NUDT9: variants seen among roughly 807,000 people sequenced by gnomAD.
NUDT9 encodes nudix hydrolase 9, also known as ADP-ribose pyrophosphatase.
In NUDT9, 31 loss-of-function variants were observed where a neutral mutation model predicts 41.0. The ratio of observed to expected loss-of-function variants is 0.76; its 90% CI spans 0.57 to 1.02. The LOEUF is 1.02. Ranked by LOEUF, NUDT9 falls within the 50% of genes least tolerant of loss-of-function variation. The pLI, the probability that NUDT9 is intolerant of heterozygous loss-of-function variation, is 0.00. For missense variants in NUDT9, 380 were observed against 431.4 expected (o/e 0.88, Z 1.06); for synonymous variants, 146 against 147.6 (o/e 0.99, Z 0.08).
chr4:87,448,117 A>G (rs1222142305), intron 4 of NUDT9, among the ~76,000 whole-genome samples: 1 of 149,948 alleles, frequency 6.7e-6, no homozygotes, highest in African/African-American at 2.4e-5. Flanking sequence ...CTCTTAGCAC[A>G]GGGTGAACTG....
At chr4:87,446,641 T>A (rs1722473287) in intron 4 of NUDT9, among the ~76,000 whole-genome samples, 1 of 152,190 alleles carries the variant, frequency 6.6e-6, no homozygotes, top group Admixed American at 6.5e-5. Flanking sequence ...GGTTCAAAGT[T>A]GTGTTTACGC....
At chr4:87,431,145 A>C (rs1560788412) in intron 1 of NUDT9, among the ~76,000 whole-genome samples, 1 of 152,188 alleles carries the variant, frequency 6.6e-6, no homozygotes, top group African/African-American at 2.4e-5. Context: ...CAAACTTCAT[A>C]CTACTTTTGC....
intron 5 of NUDT9, among the ~76,000 whole-genome samples, chr4:87,450,372 CTTTTTCTTTTTTT>C (rs1722654628): frequency 7.7e-6 from 1 of 130,276 alleles, no homozygotes; most frequent in African/African-American, 2.8e-5. Flanking sequence ...ATTTCTTTTT[CTTTTTCTTTTTTT>C]TTTTTTTTTT....
At chr4:87,437,551 C>G (rs930317412) in intron 2 of NUDT9, among the ~76,000 whole-genome samples, 6 of 151,614 alleles carry the variant, frequency 4.0e-5, no homozygotes, top group Non-Finnish European at 7.4e-5. Context: ...ACCATGTTAG[C>G]CAGGATGGTC....
At chr4:87,448,638 ACCC>A (rs906125396) in intron 4 of NUDT9, among the ~76,000 whole-genome samples, 1 of 151,882 alleles carries the variant, frequency 6.6e-6, no homozygotes, top group African/African-American at 2.4e-5. Context: ...ATGCCACTGC[ACCC>A]AGCTAATTTT....
chr4:87,455,709 T>C (rs1722959481), intron 7 of NUDT9, among the ~76,000 whole-genome samples: 1 of 151,274 alleles, frequency 6.6e-6, no homozygotes, highest in Non-Finnish European at 1.5e-5. Context: ...TCACCCACGC[T>C]GGAGTGCAGT....
intron 2 of NUDT9, 57 bp from the exon 3 acceptor site, chr4:87,438,220 A>T: frequency 2.3e-6 from 2 of 874,878 alleles, no homozygotes; most frequent in Non-Finnish European, 3.8e-6. Flanking sequence ...TTCATTATTA[A>T]GCTGTTGGTA....
chr4:87,452,717 G>A (rs994697838), intron 6 of NUDT9, among the ~76,000 whole-genome samples: 1 of 151,656 alleles, frequency 6.6e-6, no homozygotes, highest in Non-Finnish European at 1.5e-5. Context: ...ACCTCCCAAA[G>A]TGCTAGGATT....
chr4:87,454,034 T>C (rs1722878070), intron 6 of NUDT9, among the ~76,000 whole-genome samples: 2 of 151,932 alleles, frequency 1.3e-5, no homozygotes, highest in Non-Finnish European at 2.9e-5. Context: ...TAATTTTTTT[T>C]GTATTTTTAG....
chr4:87,425,274 T>C (rs756489437), intron 1 of NUDT9, among the ~76,000 whole-genome samples: 11 of 151,884 alleles, frequency 7.2e-5, no homozygotes, highest in Non-Finnish European at 1.3e-4. Context: ...GACTACTAAG[T>C]GATCAGTAGG....
chr4:87,425,698 G>T (rs1721383614), intron 1 of NUDT9, among the ~76,000 whole-genome samples: 1 of 126,450 alleles, frequency 7.9e-6, no homozygotes, highest in African/African-American at 2.9e-5. Context: ...GCCTGGCCAA[G>T]ACCCTGTCTC....
intron 1 of NUDT9, among the ~76,000 whole-genome samples, chr4:87,430,548 A>G (rs1004558260): frequency 6.6e-6 from 1 of 151,686 alleles, no homozygotes; most frequent in African/African-American, 2.4e-5. Context: ...GTTTGATGTC[A>G]TTTTTTTTAT....
At chr4:87,438,148 A>AC in intron 2 of NUDT9, 129 bp from the exon 3 acceptor site, 1 of 485,762 alleles carries the variant, frequency 2.1e-6, no homozygotes, top group South Asian at 3.0e-5. Context: ...GAAAAAAAAA[A>AC]AAAAACTAAC....
rs1454444930 is a variant in NUDT9 at position 87,441,908 on chromosome 4, A to G, written c.523A>G (p.Ile175Val). ...WGPNHAADPI[I>V]TRWKRDSSGN... ...CCCAAATCACGCTGCAGATCCCATT[A>G]TAACCAGGTAAGAACCAATAAAAAG... Residue 175 changes from isoleucine (I) to valine (V), a missense_variant, in exon 4 of 8, where the codon ATA (isoleucine) becomes GTA (valine). Transcript: ENST00000302174. The G allele has an allele frequency of 6.2e-7, 1 of 1,606,908 alleles. No individual in the cohort carries two copies. Among genetic ancestry groups the G allele is most frequent in the Non-Finnish European group, 8.5e-7 (1 of 1,177,448 alleles).
At chr4:87,437,218 C>T (rs905153123) in intron 2 of NUDT9, among the ~76,000 whole-genome samples, 2 of 139,666 alleles carry the variant, frequency 1.4e-5, no homozygotes, top group African/African-American at 2.6e-5. Context: ...CTACAGCATT[C>T]CAGCCTGGGT....
rs1056876363 is a variant in NUDT9, at chr4:87,430,547, CA to C, written c.108-4433del. On this transcript the variant is annotated intron_variant, in intron 1 of 7. Coordinates refer to ENST00000302174, the MANE Select transcript of NUDT9 (RefSeq NM_024047.5). ...TACAGAAATACAAATTGTTTGATGTCATTTTTTTTATTGCAAGTAAATTTCT... is the reference window on the plus strand; with the variant it reads ...TACAGAAATACAAATTGTTTGATGTCTTTTTTTTATTGCAAGTAAATTTCT... 5.1e-4 allele frequency among the ~76,000 whole-genome samples: 78 copies of C among 152,200 alleles called. 1 individual carries two copies. Among genetic ancestry groups the C allele is most frequent in the African/African-American group, 1.7e-3 (69 of 41,534 alleles).
intron 7 of NUDT9, among the ~76,000 whole-genome samples, chr4:87,455,764 C>T (rs1018121852): frequency 1.3e-5 from 2 of 151,064 alleles, no homozygotes; most frequent in Admixed American, 6.6e-5. Context: ...CGGGTTCAGG[C>T]GATTCTCCTG....
chr4:87,437,419 G>C (rs11097156), intron 2 of NUDT9, among the ~76,000 whole-genome samples: 19,735 of 151,716 alleles, frequency 0.13, 1,506 homozygotes, highest in East Asian at 0.3. Context: ...CGGCTCACTG[G>C]AAGCTCCACC....
chr4:87,426,262 A>T (rs1721412936), intron 1 of NUDT9, among the ~76,000 whole-genome samples: 1 of 152,232 alleles, frequency 6.6e-6, no homozygotes, highest in Non-Finnish European at 1.5e-5. Context: ...AAAACATATG[A>T]ATGAACCAAA....
Sources: allele counts gnomAD v4.1 joint callset (sites outside exome capture counted in the v4.1 genomes callset), GRCh38; gene constraint gnomAD v4.1.1; transcripts MANE v1.5; gene names NCBI Gene and HGNC (gene_info 2026-07-23, HGNC 2026-07-21).